Variants in TFEC observed in about 807,000 individuals in gnomAD.
TFEC encodes class E basic helix-loop-helix protein 34.
Under a neutral mutation model 41.6 loss-of-function variants are expected in TFEC, and 31 were observed. The observed-to-expected ratio is 0.74, with a 90% confidence interval of 0.56 to 1.01. TFEC has a LOEUF of 1.01. Ranked by LOEUF, TFEC falls within the 50% of genes least tolerant of loss-of-function variation. TFEC has a pLI of 0.00. For synonymous variants in TFEC, 143 were observed against 140.6 expected, an observed-to-expected ratio of 1.02 and a Z score of -0.12; for missense variants, 402 against 404.1, an observed-to-expected ratio of 0.99 and a Z score of 0.04.
At chr7:115,992,082 T>C (rs983460479) in intron 1 of TFEC, among the ~76,000 whole-genome samples, 1 of 152,126 alleles carries the variant, frequency 6.6e-6, no homozygotes, top group African/African-American at 2.4e-5. Context: ...ACATGGAAAC[T>C]GAACAACCTG....
At chr7:116,126,151 A>C (rs548390274) in intron 1 of TFEC, among the ~76,000 whole-genome samples, 3 of 152,302 alleles carry the variant, frequency 2.0e-5, no homozygotes, top group South Asian at 4.1e-4. Context: ...AAGGAAAAAA[A>C]CTCAGAAGAA....
chr7:116,071,818 T>C (rs1796836594), intron 3 of TFEC, among the ~76,000 whole-genome samples: 2 of 151,506 alleles, frequency 1.3e-5, no homozygotes, highest in Non-Finnish European at 3.0e-5. Flanking sequence ...GATTTTCTCA[T>C]GTTTAAATAT....
intron 1 of TFEC, among the ~76,000 whole-genome samples, chr7:116,026,711 T>C (rs1795598962): frequency 6.6e-6 from 1 of 152,224 alleles, no homozygotes; most frequent in African/African-American, 2.4e-5. Flanking sequence ...AAAATGGTTG[T>C]TTGCAACAAA....
chr7:116,002,068 C>T (rs1034408914), intron 1 of TFEC, among the ~76,000 whole-genome samples: 15 of 152,180 alleles, frequency 9.9e-5, no homozygotes, highest in Non-Finnish European at 1.5e-4. Flanking sequence ...CCCTTGTACC[C>T]TCTTCGTGGG....
At chr7:116,147,099 A>G (rs1323961661) in intron 1 of TFEC, among the ~76,000 whole-genome samples, 1 of 152,200 alleles carries the variant, frequency 6.6e-6, no homozygotes, top group South Asian at 2.1e-4. Flanking sequence ...TAAAGTTAAA[A>G]GATGTAAAAA....
At chr7:116,145,515 G>C (rs952615820) in intron 1 of TFEC, among the ~76,000 whole-genome samples, 2 of 152,166 alleles carry the variant, frequency 1.3e-5, no homozygotes. Context: ...CTCACATCTA[G>C]CAGATGCTCT....
intron 5 of TFEC, among the ~76,000 whole-genome samples, chr7:115,951,489 T>A (rs1360170780): frequency 6.6e-6 from 1 of 152,068 alleles, no homozygotes; most frequent in Middle Eastern, 3.2e-3. Flanking sequence ...GGTAAATAAA[T>A]GTATATTGAT....
chr7:116,020,794 T>C (rs1388585135), intron 1 of TFEC, among the ~76,000 whole-genome samples: 1 of 152,050 alleles, frequency 6.6e-6, no homozygotes, highest in African/African-American at 2.4e-5. Context: ...GTACAGGAGA[T>C]AGCATCTAAG....
chr7:116,082,377 T>C (rs554403993), intron 3 of TFEC, among the ~76,000 whole-genome samples: 1 of 152,040 alleles, frequency 6.6e-6, no homozygotes, highest in South Asian at 2.1e-4. Context: ...ACTGAAACGA[T>C]GGTATCTAAG....
intron 1 of TFEC, among the ~76,000 whole-genome samples, chr7:116,023,813 A>G (rs1489164159): frequency 1.3e-5 from 2 of 152,094 alleles, no homozygotes; most frequent in Admixed American, 1.3e-4. Flanking sequence ...CAAATGCCAT[A>G]ATTTGGTCTC....
At chr7:116,039,302 A>C (rs576266964) in intron 3 of TFEC, among the ~76,000 whole-genome samples, 1 of 152,028 alleles carries the variant, frequency 6.6e-6, no homozygotes, top group Non-Finnish European at 1.5e-5. Context: ...AGTACAAATA[A>C]GAAGAAGAGA....
chr7:116,107,076 T>A (rs924039505), intron 3 of TFEC, among the ~76,000 whole-genome samples: 1 of 152,302 alleles, frequency 6.6e-6, no homozygotes, highest in East Asian at 1.9e-4. Flanking sequence ...TCCAAAGCTC[T>A]CCATCCTACA....
At chr7:116,036,674 C>A (rs547366503) in intron 3 of TFEC, among the ~76,000 whole-genome samples, 15 of 152,146 alleles carry the variant, frequency 9.9e-5, no homozygotes, top group African/African-American at 3.6e-4. Flanking sequence ...CAAAGCTAAA[C>A]ACTCCTAGCC....
chr7:115,974,446 A>ATATATATG, intron 2 of TFEC, among the ~76,000 whole-genome samples, 190 bp from the exon 3 acceptor site: 1 of 50,830 alleles, frequency 2.0e-5, no homozygotes, highest in South Asian at 4.9e-4. Context: ...ATATATATAT[A>ATATATATG]TATAAAAACA....
At chr7:115,992,623 G>C (rs1379384190) in intron 1 of TFEC, among the ~76,000 whole-genome samples, 1 of 152,046 alleles carries the variant, frequency 6.6e-6, no homozygotes, top group Admixed American at 6.6e-5. Flanking sequence ...ATAAATTCCT[G>C]GATACATACA....
rs1442599439 is a variant in TFEC, at chr7:116,110,761, G to C, written c.145C>G (p.Leu49Val). Residue 49 changes from leucine (L) to valine (V), a missense_variant, in exon 3 of 9, where the codon CTT (leucine) becomes GTT (valine). Leu to Val is a conservative substitution (Grantham distance 32). Coordinates refer to the TFEC transcript ENST00000484212. ...TAAATTTGTGGTCTTGCTGGGACAA[G>C]TCTATGCAACACTGGTTTGTATGAA... The C allele has an allele frequency of 8.4e-6, 13 of 1,542,964 alleles. 1 individual carries two copies. In the South Asian group the frequency reaches 1.1e-4, roughly 13 times the overall value.
In TFEC at chr7:115,940,434, A is replaced by G. The variant is rs554716079; in HGVS notation, c.*117T>C. 2.9e-5 allele frequency: 33 copies of G among 1,138,912 alleles called. No individual in the cohort carries two copies. In the African/African-American group the frequency reaches 4.9e-4, roughly 17 times the overall value. The allele number at this position is 1,138,912 out of a possible 1,614,324, so 70.6% of individuals were successfully genotyped here. On this transcript the variant is annotated 3_prime_UTR_variant, in exon 8 of 8. Coordinates refer to ENST00000265440, the MANE Select transcript of TFEC (RefSeq NM_012252.4). Reference sequence around the variant, plus strand: ...TGTTGCTTCTATCAGTTTTTCATGAACAACACATTCCTTTAAGAAAAAAAA... The same window carrying G: ...TGTTGCTTCTATCAGTTTTTCATGAGCAACACATTCCTTTAAGAAAAAAAA...
chr7:115,967,064 T>C (rs757011538), intron 3 of TFEC, among the ~76,000 whole-genome samples: 6 of 151,738 alleles, frequency 4.0e-5, no homozygotes, highest in Non-Finnish European at 8.8e-5. Flanking sequence ...AAGCTAAGAA[T>C]CTTTGGCATA....
In TFEC at chr7:115,941,817, G is replaced by A. The variant is rs1391436444; in HGVS notation, c.663+76C>T. 1.4e-5 allele frequency: 21 copies of A among 1,486,070 alleles called. No homozygotes were observed. The Middle Eastern group carries it at 5.4e-4, about 38-fold the overall frequency. The allele number at this position is 1,486,070 out of a possible 1,614,324, so 92.1% of individuals were successfully genotyped here. ...ATTGTTAATAAGAGAAAAAATAAATGAGACCAATGAAGAAAACTGATGACA... is the reference window on the plus strand; with the variant it reads ...ATTGTTAATAAGAGAAAAAATAAATAAGACCAATGAAGAAAACTGATGACA... On this transcript the variant is annotated intron_variant, in intron 7 of 7. Transcript: ENST00000265440.
Sources: gnomAD v4.1 joint callset for allele counts (sites outside exome capture counted in the v4.1 genomes callset) on GRCh38, gnomAD v4.1.1 for gene constraint, MANE v1.5 for transcripts, NCBI Gene and HGNC (gene_info 2026-07-23, HGNC 2026-07-21) for gene names.